The following FSCN2 variants were observed in gnomAD, a reference collection of about 807,000 sequenced individuals.
FSCN2 encodes fascin actin-bundling protein 2, retinal, also known as fascin-2.
A neutral mutation model predicts 37.8 loss-of-function variants in FSCN2; 46 were observed. The ratio of observed to expected loss-of-function variants is 1.22; its 90% confidence interval spans 0.96 to 1.56. The LOEUF is 1.56. Among genes scored for constraint, FSCN2 ranks in the 40% most tolerant of loss-of-function variants. The pLI, the probability that FSCN2 is intolerant of heterozygous loss-of-function variation, is 0.00. For synonymous variants in FSCN2, 351 were observed against 309.4 expected, an observed-to-expected ratio of 1.13 and a Z score of -1.41; for missense variants, 844 against 730.4, an observed-to-expected ratio of 1.16 and a Z score of -1.79.
chr17:81,531,492 G>GTGA (rs1568077517), intron 1 of FSCN2, among the ~76,000 whole-genome samples: 1 of 115,282 alleles, frequency 8.7e-6, no homozygotes, highest in African/African-American at 4.2e-5. Context: ...GGTGATGATG[G>GTGA]TGATGGTGAT....
rs2032913394 is a variant in FSCN2, at chr17:81,537,072, G to T, written c.1471G>T (p.Glu491Ter). The change falls in exon 5 of 5, where the codon GAG (glutamate) becomes TAG (stop). Residue 491 changes from glutamate (E) to a stop codon, truncating the protein, a stop_gained. Coordinates refer to ENST00000417245, the MANE Select transcript of FSCN2 (RefSeq NM_012418.4). LOFTEE classifies it high-confidence loss of function. ...CGCCCCGGCCGGGACCGCGCTTTGG[G>T]AGTACTGAGGCCGCGCCCAGACCAG... is the stretch of plus-strand genomic sequence containing the variant. ...ADAPAGTALW[E>*]Y 2 of 1,449,298 alleles carry T rather than the reference G, an allele frequency of 1.4e-6. No homozygotes were observed. Among genetic ancestry groups the T allele is most frequent in the Non-Finnish European group, 1.8e-6 (2 of 1,108,156 alleles). The allele number at this position is 1,449,298 out of a possible 1,614,324, so 89.8% of individuals were successfully genotyped here.
Position 81,536,212 on chromosome 17 carries a change from G to C in FSCN2, c.1050G>C (p.Gly350=). The C allele has an allele frequency of 1.9e-6, 3 of 1,601,108 alleles. No homozygotes were observed. Among genetic ancestry groups the C allele is most frequent in the Non-Finnish European group, 2.6e-6 (3 of 1,174,248 alleles). Residue 350 remains glycine, a synonymous_variant, in exon 3 of 5, where the codon GGG becomes GGC. Transcript: ENST00000417245. ...GGGTAGCACTCAAAGCCAGCAACGG[G>C]CGCTACGTGTGCATGAAGAAGAATG... ...GRRVALKASN[G]RYVCMKKNGQ... is the part of the protein sequence containing the mutation.
upstream of FSCN2, among the ~76,000 whole-genome samples, chr17:81,525,788 A>G (rs928295114): frequency 6.6e-6 from 1 of 152,252 alleles, no homozygotes; most frequent in Admixed American, 6.5e-5. Context: ...GCACTTATTA[A>G]GTACCTGCTG....
At chr17:81,536,526 A>G (rs2032882718) in intron 3 of FSCN2, 96 bp from the exon 4 acceptor site, 1 of 1,559,986 alleles carries the variant, frequency 6.4e-7, no homozygotes, top group African/African-American at 1.3e-5. Flanking sequence ...CTGGGTCCCT[A>G]AGTCCAGGTG....
At chr17:81,528,299 GTCTCTGATCCGCCC>G, upstream of FSCN2, 2 of 562,516 alleles carry the variant, frequency 3.6e-6, no homozygotes, top group Non-Finnish European at 6.4e-6. Flanking sequence ...TAAGCCGCAC[GTCTCTGATCCGCCC>G]TCCCCGCCCG....
Position 81,537,016 on chromosome 17 carries a change from G to C in FSCN2, c.1415G>C (p.Gly472Ala). The C allele has an allele frequency of 6.6e-7, 1 of 1,503,948 alleles. No individual in the cohort carries two copies. The highest frequency in any genetic ancestry group is 2.7e-5 in the East Asian group (1 of 36,580). 93.2% of individuals were successfully genotyped at this position (1,503,948 alleles called of 1,614,324 possible). Reference protein sequence around the residue: ...RARSGKYLRGGASGLLRADAD... With the variant: ...RARSGKYLRGAASGLLRADAD... ...CGGAGCGGCAAGTACCTGCGCGGCG[G>C]CGCCTCGGGCCTGCTGCGGGCCGAT... Residue 472 changes from glycine to alanine, a missense_variant, in exon 5 of 5, where the codon GGC (glycine) becomes GCC (alanine). Gly to Ala is a moderately conservative substitution (Grantham distance 60). Transcript: ENST00000417245.
chr17:81,518,158 C>T, the FSCN2 span, among the ~76,000 whole-genome samples: 2 of 152,178 alleles, frequency 1.3e-5, no homozygotes, highest in East Asian at 3.9e-4. Context: ...TCCTTCAGCG[C>T]CCTGACCACC....
At chr17:81,532,387 CGATGATGGTGATGATAGTGATGGT>C (rs1568079248) in intron 1 of FSCN2, among the ~76,000 whole-genome samples, 5 of 24,896 alleles carry the variant, frequency 2.0e-4, no homozygotes, top group African/African-American at 8.2e-4. Flanking sequence ...ATAGTGATGG[CGATGATGGTGATGATAGTGATGGT>C]GATGATGGTG....
chr17:81,530,429 C>G (rs2032512316), intron 1 of FSCN2, among the ~76,000 whole-genome samples: 1 of 152,242 alleles, frequency 6.6e-6, no homozygotes, highest in African/African-American at 2.4e-5. Flanking sequence ...TCCTCCTTCC[C>G]CACAAGCTGA....
In FSCN2 at chr17:81,536,944, ACTT is replaced by A; in HGVS notation, c.1345_1347del (p.Phe449del). On this transcript the variant is annotated inframe_deletion, in exon 5 of 5. Transcript: ENST00000417245. The stretch of plus-strand genomic sequence containing the variant: ...TGCAGCGACGGCGAACGCGCCGAGG[ACTT>A]CGTCTTCGAGTTCCGTGAGCGCGGC... 1 of 1,569,564 alleles carries A rather than the reference ACTT, an allele frequency of 6.4e-7. No individual in the cohort carries two copies. Among genetic ancestry groups the A allele is most frequent in the East Asian group, 2.4e-5 (1 of 41,008 alleles).
In FSCN2 at chr17:81,528,787, C is replaced by G; in HGVS notation, c.256C>G (p.Arg86Gly). 3.2e-6 allele frequency: 5 copies of G among 1,566,418 alleles called. No individual in the cohort carries two copies. Among genetic ancestry groups the G allele is most frequent in the Non-Finnish European group, 4.3e-6 (5 of 1,157,750 alleles). ...GGCCTGTGAGGCAGAGCAGCCGGGC[C>G]GTGACTGCCGCTTCCTGGTCCTGCC... ...RVACEAEQPGRDCRFLVLPQP... is the reference protein window; with the variant it reads ...RVACEAEQPGGDCRFLVLPQP... Residue 86 changes from arginine to glycine, a missense_variant, in exon 1 of 5, where the codon CGT becomes GGT. Arg to Gly is a moderately radical substitution (Grantham distance 125). Coordinates refer to ENST00000417245, the MANE Select transcript of FSCN2 (RefSeq NM_012418.4).
Position 81,530,042 on chromosome 17 carries a change from C to T in FSCN2, c.826+685C>T, listed in dbSNP as rs559647056. 5.2e-4 allele frequency: 136 copies of T among 261,018 alleles called. 3 individuals are homozygous for T. The highest frequency in any genetic ancestry group is 5.1e-3 in the South Asian group (134 of 26,468). The allele number at this position is 261,018 out of a possible 1,614,324, so 16.2% of individuals were successfully genotyped here. A position where few individuals can be genotyped will look rare whatever the true frequency, so the allele number is the denominator to read the frequency against. ...AGCCAGGATGGTCTTGATCTCCTGA[C>T]CTTGTGATCTGTCCACCTCGGCCTC... On this transcript the variant is annotated intron_variant, in intron 1 of 4. Transcript: ENST00000417245.
chr17:81,529,542 G>A, intron 1 of FSCN2, 185 bp downstream of exon 1: 1 of 764,526 alleles, frequency 1.3e-6, no homozygotes. Flanking sequence ...CTCGGGCCAT[G>A]CCCAGGCGAC....
At chr17:81,520,096 C>T in the FSCN2 span, among the ~76,000 whole-genome samples, 3,205 of 152,294 alleles carry the variant, frequency 0.021, 53 homozygotes, top group East Asian at 0.086. Context: ...TGGCAGGGGC[C>T]GCCCCAGACC....
In FSCN2 at chr17:81,528,873, C is replaced by T. The variant is rs782415323; in HGVS notation, c.342C>T (p.Thr114=). ...CGCACGGCCGCTTCTTCGGAGGCAC[C>T]GAGGACCAGCTGTCCTGCTTCGCCA... ...SEPHGRFFGG[T]EDQLSCFATA... Residue 114 remains threonine, a synonymous_variant, in exon 1 of 5, where the codon ACC becomes ACT. Coordinates refer to ENST00000417245, the MANE Select transcript of FSCN2 (RefSeq NM_012418.4). 47 of 1,565,762 alleles carry T rather than the reference C, an allele frequency of 3.0e-5. No individual in the cohort carries two copies. Among genetic ancestry groups the T allele is most frequent in the Middle Eastern group, 3.5e-4 (2 of 5,646 alleles).
intron 1 of FSCN2, among the ~76,000 whole-genome samples, chr17:81,529,908 C>G (rs1458088340): frequency 3.9e-5 from 6 of 152,250 alleles, no homozygotes; most frequent in Non-Finnish European, 7.3e-5. Flanking sequence ...CTCACGGGTT[C>G]ACGCCATTCT....
the FSCN2 span, among the ~76,000 whole-genome samples, chr17:81,515,368 C>A: frequency 6.6e-6 from 1 of 152,168 alleles, no homozygotes; most frequent in Non-Finnish European, 1.5e-5. Context: ...TGGGCGGCCT[C>A]CGGAGCCGGG....
chr17:81,515,170 G>A, the FSCN2 span, among the ~76,000 whole-genome samples: 1 of 152,190 alleles, frequency 6.6e-6, no homozygotes, highest in Non-Finnish European at 1.5e-5. Flanking sequence ...GGCGCAGGGG[G>A]CTGGACCGCG....
intron 1 of FSCN2, among the ~76,000 whole-genome samples, chr17:81,532,386 GCGATGA>G (rs2032706642): frequency 1.6e-5 from 2 of 121,850 alleles, no homozygotes; most frequent in Admixed American, 7.9e-5. Flanking sequence ...GATAGTGATG[GCGATGA>G]TGGTGATGAT....
Sources: allele counts gnomAD v4.1 joint callset (sites outside exome capture counted in the v4.1 genomes callset), GRCh38; gene constraint gnomAD v4.1.1; transcripts MANE v1.5; gene names NCBI Gene and HGNC (gene_info 2026-07-23, HGNC 2026-07-21).